The following ACSS2 variants were observed in gnomAD, a reference collection of about 807,000 sequenced individuals.
ACSS2 encodes acyl-CoA synthetase short chain family member 2, also known as acetyl-coenzyme A synthetase, cytoplasmic.
Under a neutral mutation model 90.6 loss-of-function variants are expected in ACSS2, and 58 were observed. The observed-to-expected ratio is 0.64, with a 90% CI of 0.52 to 0.80. The LOEUF is 0.80. Among genes scored for constraint, ACSS2 ranks in the 30% least tolerant of loss-of-function variants. The pLI is 0.00. For missense variants in ACSS2, 759 were observed against 912.0 expected (o/e 0.83, Z 2.16); for synonymous variants, 300 against 330.9 (o/e 0.91, Z 1.01).
At chr20:34,898,506 G>A (rs1021696179) in intron 2 of ACSS2, among the ~76,000 whole-genome samples, 5 of 151,916 alleles carry the variant, frequency 3.3e-5, no homozygotes, top group Non-Finnish European at 5.9e-5. Flanking sequence ...GCTGATTGGT[G>A]TGTTCACAAA....
At chr20:34,919,622 T>C (rs763209548) in intron 8 of ACSS2, 50 bp downstream of exon 8, 3 of 1,524,140 alleles carry the variant, frequency 2.0e-6, no homozygotes. Flanking sequence ...TGTGTGTGTA[T>C]TATGTAGGGG....
upstream of ACSS2, chr20:34,876,024 AGGG>A (rs2079898680): frequency 6.5e-6 from 1 of 153,052 alleles, no homozygotes; most frequent in South Asian, 2.1e-4. Context: ...TGGCTCAGAG[AGGG>A]GGGACCTGGA....
intron 16 of ACSS2, 132 bp downstream of exon 16, chr20:34,926,413 G>A: frequency 2.5e-6 from 2 of 809,666 alleles, no homozygotes; most frequent in Non-Finnish European, 3.9e-6. Context: ...CCCATGGGCT[G>A]ATTGCCCTCT....
chr20:34,921,691 CAT>C lies in ACSS2; in HGVS notation c.1467+92_1467+93del, dbSNP rs142444821. 11,090 of 1,608,546 alleles carry C rather than the reference CAT, an allele frequency of 6.9e-3. 567 individuals carry two copies. The African/African-American group carries it at 0.12, about 17-fold the overall frequency. Reference sequence around the variant, plus strand: ...GTTAGATAGTGGAGAACTGGACTGACATGTGTGAAGAATTTGGGGTTCTGGGG... The same window carrying C: ...GTTAGATAGTGGAGAACTGGACTGACGTGTGAAGAATTTGGGGTTCTGGGG... On this transcript the variant is annotated intron_variant, in intron 12 of 17. Transcript: ENST00000360596.
chr20:34,886,354 TA>T (rs2080191474), intron 2 of ACSS2, among the ~76,000 whole-genome samples: 1 of 152,208 alleles, frequency 6.6e-6, no homozygotes, highest in East Asian at 1.9e-4. Flanking sequence ...TGCAGTGGCT[TA>T]TACCTGTAAT....
At chr20:34,909,620 C>T (rs2080898631) in intron 2 of ACSS2, among the ~76,000 whole-genome samples, 1 of 152,068 alleles carries the variant, frequency 6.6e-6, no homozygotes, top group African/African-American at 2.4e-5. Flanking sequence ...GTCTGACAGA[C>T]CTGTCCCTTA....
intron 2 of ACSS2, among the ~76,000 whole-genome samples, chr20:34,883,486 A>G (rs1462727086): frequency 6.6e-6 from 1 of 152,234 alleles, no homozygotes; most frequent in Non-Finnish European, 1.5e-5. Flanking sequence ...AAGTCAAGTG[A>G]CATATCTGAA....
intron 7 of ACSS2, among the ~76,000 whole-genome samples, chr20:34,915,722 TTA>T (rs1279125956): frequency 1.3e-5 from 2 of 152,180 alleles, no homozygotes; most frequent in Non-Finnish European, 2.9e-5. Context: ...CTAAATACAT[TTA>T]TATAGTGCTT....
chr20:34,909,650 C>T (rs1307205875), intron 2 of ACSS2, among the ~76,000 whole-genome samples: 2 of 151,990 alleles, frequency 1.3e-5, no homozygotes, highest in African/African-American at 2.4e-5. Flanking sequence ...GTTCTTCCTA[C>T]CCCTGTTACC....
rs1014545195 is a variant in ACSS2, at chr20:34,903,017, G to A, written c.375-10079G>A. Among the ~76,000 whole-genome samples, 6 of 151,284 alleles carry A rather than the reference G, an allele frequency of 4.0e-5. No individual in the cohort carries two copies. In the East Asian group the frequency reaches 1.2e-3, roughly 30 times the overall value. The stretch of plus-strand genomic sequence containing the variant: ...CAAAATGCTGGGATTACAGGCATGA[G>A]CCACCATGCCTGGCCAATTTATGTT... On this transcript the variant is annotated intron_variant, in intron 2 of 17. Transcript: ENST00000360596.
intron 2 of ACSS2, among the ~76,000 whole-genome samples, chr20:34,892,388 C>T (rs2080356323): frequency 6.6e-6 from 1 of 152,050 alleles, no homozygotes; most frequent in African/African-American, 2.4e-5. Context: ...TCTGAGAATT[C>T]AAGACTCTCA....
intron 2 of ACSS2, among the ~76,000 whole-genome samples, chr20:34,899,403 CTTCT>C (rs758433349): frequency 1.1e-3 from 70 of 64,456 alleles, no homozygotes; most frequent in Non-Finnish European, 1.7e-3. Context: ...TCTTTCTTTC[CTTCT>C]TTCTTTCTTT....
At chr20:34,893,152 TTTC>T (rs1319913042) in intron 2 of ACSS2, among the ~76,000 whole-genome samples, 3 of 152,078 alleles carry the variant, frequency 2.0e-5, no homozygotes, top group Non-Finnish European at 2.9e-5. Context: ...AGATTTTCCT[TTTC>T]TTTCTCTCTT....
chr20:34,901,461 C>T (rs558511898), intron 2 of ACSS2, among the ~76,000 whole-genome samples: 1 of 152,266 alleles, frequency 6.6e-6, no homozygotes, highest in South Asian at 2.1e-4. Context: ...CCTCCTCCTT[C>T]AGCCCTTCTT....
chr20:34,912,766 C>A (rs138888105), intron 2 of ACSS2, among the ~76,000 whole-genome samples: 11 of 152,312 alleles, frequency 7.2e-5, no homozygotes, highest in Non-Finnish European at 1.3e-4. Flanking sequence ...GATGCCTCAT[C>A]AGAAGGAATC....
intron 1 of ACSS2, among the ~76,000 whole-genome samples, chr20:34,879,071 A>T (rs551644236): frequency 0.014 from 2,147 of 151,138 alleles, 43 homozygotes; most frequent in African/African-American, 0.049. Flanking sequence ...CGCCCGGCTA[A>T]TTTTTTGTAT....
intron 2 of ACSS2, among the ~76,000 whole-genome samples, chr20:34,899,043 C>T (rs1466628496): frequency 6.6e-6 from 1 of 152,238 alleles, no homozygotes; most frequent in Non-Finnish European, 1.5e-5. Flanking sequence ...GCTGCTGGCC[C>T]GGGTGCTAAG....
intron 2 of ACSS2, among the ~76,000 whole-genome samples, chr20:34,911,424 G>A (rs551631376): frequency 1.1e-3 from 160 of 151,988 alleles, no homozygotes; most frequent in Non-Finnish European, 2.0e-3. Context: ...CTGACCTCAC[G>A]TGATCCACCT....
chr20:34,878,760 G>A (rs1396955684), intron 1 of ACSS2, among the ~76,000 whole-genome samples: 1 of 152,000 alleles, frequency 6.6e-6, no homozygotes. Flanking sequence ...GCCTAGTTTC[G>A]CCAACTTGAG....
Sources: gnomAD v4.1 joint callset for allele counts (sites outside exome capture counted in the v4.1 genomes callset) on GRCh38, gnomAD v4.1.1 for gene constraint, MANE v1.5 for transcripts, NCBI Gene and HGNC (gene_info 2026-07-23, HGNC 2026-07-21) for gene names.